The following COL15A1 variants were observed in gnomAD, a reference collection of about 807,000 sequenced individuals.
COL15A1 encodes collagen alpha-1(XV) chain.
Under a neutral mutation model 165.9 loss-of-function variants are expected in COL15A1, and 111 were observed. The ratio of observed to expected loss-of-function variants is 0.67; its 90% CI spans 0.57 to 0.78. The LOEUF is 0.78. Ranked by LOEUF, COL15A1 falls within the 30% of genes least tolerant of loss-of-function variation. COL15A1 has a pLI of 0.00. For missense variants in COL15A1, 1,745 were observed against 1,789.7 expected, an observed-to-expected ratio of 0.98 and a Z score of 0.45; for synonymous variants, 659 against 674.8, an observed-to-expected ratio of 0.98 and a Z score of 0.36.
chr9:99,027,632 A>C (rs1348273402), intron 16 of COL15A1, among the ~76,000 whole-genome samples: 1 of 151,682 alleles, frequency 6.6e-6, no homozygotes, highest in Non-Finnish European at 1.5e-5. Context: ...ACCCTTGCAC[A>C]GGCACTCTGC....
intron 28 of COL15A1, among the ~76,000 whole-genome samples, chr9:99,049,363 G>A (rs1057238290): frequency 6.6e-6 from 1 of 152,220 alleles, no homozygotes; most frequent in African/African-American, 2.4e-5. Flanking sequence ...AGTATCAACT[G>A]GGTGTCAGAA....
At chr9:98,968,048 C>A (rs1837986072) in intron 2 of COL15A1, among the ~76,000 whole-genome samples, 1 of 152,210 alleles carries the variant, frequency 6.6e-6, no homozygotes, top group Admixed American at 6.5e-5. Flanking sequence ...AGCAGACGGG[C>A]TATGGAGTTT....
chr9:99,039,833 C>A (rs900532974), intron 22 of COL15A1, among the ~76,000 whole-genome samples: 54 of 152,310 alleles, frequency 3.5e-4, no homozygotes, highest in African/African-American at 1.2e-3. Context: ...ACGCTCTGTG[C>A]AAGTCATTGT....
At chr9:99,054,757 T>G in intron 32 of COL15A1, 101 bp downstream of exon 32, 2 of 1,297,798 alleles carry the variant, frequency 1.5e-6, no homozygotes, top group Non-Finnish European at 2.1e-6. Flanking sequence ...ACTAATGACA[T>G]TCCACCCTGA....
intron 9 of COL15A1, among the ~76,000 whole-genome samples, chr9:99,013,550 G>GA (rs77981050): frequency 0.15 from 20,430 of 134,516 alleles, 1,931 homozygotes; most frequent in East Asian, 0.4. Context: ...CTTCCTAGGA[G>GA]AAAAAAAAAA....
intron 39 of COL15A1, among the ~76,000 whole-genome samples, chr9:99,064,221 A>G (rs560768093): frequency 7.9e-5 from 12 of 152,266 alleles, no homozygotes; most frequent in African/African-American, 2.9e-4. Context: ...CCCCAGTACT[A>G]CTGACTCAGT....
At chr9:99,059,854 T>G in intron 35 of COL15A1, 35 bp from the exon 36 acceptor site, 1 of 1,610,974 alleles carries the variant, frequency 6.2e-7, no homozygotes, top group Non-Finnish European at 8.5e-7. Flanking sequence ...CAGAGTGTGG[T>G]TTTTGTGTAA....
chr9:99,008,892 G>A (rs1272194138), intron 9 of COL15A1, among the ~76,000 whole-genome samples: 4 of 152,250 alleles, frequency 2.6e-5, no homozygotes, highest in South Asian at 4.1e-4. Flanking sequence ...TTACAGGCAT[G>A]AGCCACTGCG....
rs111661312 is a variant in COL15A1, at chr9:99,037,473, C to T, written c.2409+1077C>T. ...GTGGCTCACACCTGTAATCTCAGCA[C>T]TTTGAGAGGCCGAGGCAGGAGGACT... On this transcript the variant is annotated intron_variant, in intron 21 of 41. Transcript: ENST00000375001. Among the ~76,000 whole-genome samples the T allele has an allele frequency of 5.8e-3, 877 of 152,296 alleles. 12 individuals are homozygous for T. The highest frequency in any genetic ancestry group is 0.02 in the African/African-American group (813 of 41,566).
chr9:98,986,311 T>C (rs1021450864), intron 3 of COL15A1, 199 bp downstream of exon 3: 33 of 562,882 alleles, frequency 5.9e-5, no homozygotes, highest in Non-Finnish European at 9.4e-6. Flanking sequence ...CCTTGTAAAT[T>C]TGAGACAGTT....
chr9:98,984,036 G>A (rs1252040915), intron 2 of COL15A1, among the ~76,000 whole-genome samples: 1 of 152,202 alleles, frequency 6.6e-6, no homozygotes, highest in African/African-American at 2.4e-5. Context: ...GTGGCCTCTG[G>A]CCTTTGGCGA....
intron 6 of COL15A1, 76 bp from the exon 7 acceptor site, chr9:99,000,763 C>T (rs552008655): frequency 1.3e-6 from 1 of 770,090 alleles, no homozygotes; most frequent in East Asian, 2.5e-5. Context: ...TCCAAGTTAG[C>T]TGGTGAAGAG....
intron 38 of COL15A1, 89 bp downstream of exon 38, chr9:99,062,393 C>A: frequency 1.0e-6 from 1 of 971,730 alleles, no homozygotes; most frequent in Non-Finnish European, 1.7e-6. Flanking sequence ...GCTCTCCAAA[C>A]TCTGGACAGT....
chr9:99,068,456 C>T lies in COL15A1; in HGVS notation c.3838-99C>T, dbSNP rs1186822158. On this transcript the variant is annotated intron_variant, in intron 40 of 41. Transcript: ENST00000375001. ...CTCCAGCCTGGCTGGATGACAAAAGCGAAACTGTGTCAAAAAAAAAAAAAA... is the reference window on the plus strand; with the variant it reads ...CTCCAGCCTGGCTGGATGACAAAAGTGAAACTGTGTCAAAAAAAAAAAAAA... The T allele has an allele frequency of 1.2e-5, 6 of 490,656 alleles. No individual in the cohort carries two copies. The African/African-American group carries it at 1.5e-4, about 12-fold the overall frequency. The allele number at this position is 490,656 out of a possible 1,614,324, so 30.4% of individuals were successfully genotyped here. A position where few individuals can be genotyped will look rare whatever the true frequency, so the allele number is the denominator to read the frequency against.
chr9:98,992,033 A>C (rs1838444412), intron 5 of COL15A1, among the ~76,000 whole-genome samples: 1 of 152,272 alleles, frequency 6.6e-6, no homozygotes. Flanking sequence ...TCCCCACCCA[A>C]CTCAGGAGTC....
intron 2 of COL15A1, among the ~76,000 whole-genome samples, chr9:98,965,692 T>C (rs145317143): frequency 6.6e-6 from 1 of 152,224 alleles, no homozygotes; most frequent in Non-Finnish European, 1.5e-5. Context: ...GTGAAGCATC[T>C]CAGGCCTATC....
At chr9:98,954,312 T>C (rs1837740661) in intron 2 of COL15A1, among the ~76,000 whole-genome samples, 1 of 152,200 alleles carries the variant, frequency 6.6e-6, no homozygotes, top group Non-Finnish European at 1.5e-5. Context: ...TCACATATTA[T>C]CTTGTGACTC....
intron 30 of COL15A1, among the ~76,000 whole-genome samples, chr9:99,051,703 A>G (rs1247441432): frequency 7.2e-5 from 11 of 152,212 alleles, no homozygotes; most frequent in Admixed American, 7.2e-4. Flanking sequence ...CCGTAAGCAC[A>G]GAAGGATTTT....
In COL15A1 at chr9:99,069,983, T is replaced by TG. The variant is rs1554692749; in HGVS notation, c.*97_*98insG. ...GTTTAATTGTTGTAAATATTACAGT[T>TG]TTTTTTTTTTACTACATATTCTTTA... On this transcript the variant is annotated 3_prime_UTR_variant, in exon 42 of 42. Coordinates refer to ENST00000375001, the MANE Select transcript of COL15A1 (RefSeq NM_001855.5). 6.0e-6 allele frequency: 6 copies of TG among 995,422 alleles called. No homozygotes were observed. The highest frequency in any genetic ancestry group is 3.0e-5 in the Admixed American group (1 of 33,544). 61.7% of individuals were successfully genotyped at this position (995,422 alleles called of 1,614,324 possible). A position where few individuals can be genotyped will look rare whatever the true frequency, so the allele number is the denominator to read the frequency against.
Sources: allele counts gnomAD v4.1 joint callset (sites outside exome capture counted in the v4.1 genomes callset), GRCh38; gene constraint gnomAD v4.1.1; transcripts MANE v1.5; gene names NCBI Gene and HGNC (gene_info 2026-07-23, HGNC 2026-07-21).